Variants in FRMPD2 observed in about 807,000 individuals in gnomAD.
The protein encoded by FRMPD2 is FERM and PDZ domain containing 2, also known as FERM and PDZ domain-containing protein 2.
Under a neutral mutation model 140.1 loss-of-function variants are expected in FRMPD2, and 96 were observed. The observed-to-expected ratio is 0.69, with a 90% CI of 0.58 to 0.81. FRMPD2 has a LOEUF of 0.81. FRMPD2 is among the 40% of genes least tolerant of loss of function. The pLI is 0.00. For synonymous variants in FRMPD2, 449 were observed against 547.6 expected (o/e 0.82, Z 2.52); for missense variants, 1,240 against 1,447.4 (o/e 0.86, Z 2.32).
intron 1 of FRMPD2, among the ~76,000 whole-genome samples, chr10:48,272,293 C>T (rs1392652800): frequency 1.3e-5 from 2 of 152,162 alleles, no homozygotes; most frequent in Admixed American, 1.3e-4. Context: ...CTGTGATATG[C>T]TGAAGAAGGC....
intron 13 of FRMPD2, among the ~76,000 whole-genome samples, chr10:48,207,275 T>C (rs1277710483): frequency 1.3e-5 from 2 of 152,194 alleles, no homozygotes. Flanking sequence ...TTCATACTCT[T>C]CTGGGACATC....
intron 5 of FRMPD2, among the ~76,000 whole-genome samples, chr10:48,241,584 G>T (rs72792244): frequency 0.092 from 14,018 of 152,258 alleles, 788 homozygotes; most frequent in South Asian, 0.12. Context: ...TAAATAACTT[G>T]CACAAGAATC....
chr10:48,208,906 C>T (rs1839260262), intron 13 of FRMPD2, among the ~76,000 whole-genome samples: 1 of 152,210 alleles, frequency 6.6e-6, no homozygotes, highest in Non-Finnish European at 1.5e-5. Flanking sequence ...TTCTTCAAAA[C>T]AAATGGATTG....
At chr10:48,161,276 A>T (rs1247717247) in intron 28 of FRMPD2, among the ~76,000 whole-genome samples, 2 of 150,530 alleles carry the variant, frequency 1.3e-5, no homozygotes, top group African/African-American at 4.9e-5. Flanking sequence ...TAAAAGGAGC[A>T]GTCCCTCCAA....
chr10:48,201,630 G>C (rs940912091), intron 14 of FRMPD2: 1 of 348,362 alleles, frequency 2.9e-6, no homozygotes, highest in African/African-American at 2.1e-5. Flanking sequence ...CAAGGAGTGT[G>C]CTGGGTGAGA....
intron 1 of FRMPD2, among the ~76,000 whole-genome samples, chr10:48,272,354 C>G (rs1195970442): frequency 6.6e-6 from 1 of 152,148 alleles, no homozygotes; most frequent in East Asian, 1.9e-4. Context: ...ATTTTGTAAG[C>G]TGGTCATTAA....
chr10:48,261,517 A>G (rs73296380), intron 1 of FRMPD2, among the ~76,000 whole-genome samples: 22,818 of 152,118 alleles, frequency 0.15, 3,793 homozygotes, highest in African/African-American at 0.41. Flanking sequence ...AAGTGTAAAA[A>G]TAAAAAAACT....
At position 48,240,371 on chromosome 10, in the gene FRMPD2, T is replaced by C. The variant is rs1172528023; in HGVS notation, c.689A>G (p.His230Arg). 2 of 1,612,314 alleles carry C rather than the reference T, an allele frequency of 1.2e-6. No individual in the cohort carries two copies. Among genetic ancestry groups the C allele is most frequent in the Non-Finnish European group, 1.7e-6 (2 of 1,180,032 alleles). The change falls in exon 6 of 29, where the codon CAT becomes CGT. Residue 230 changes from histidine (H) to arginine (R), a missense_variant. Physicochemically the swap from His to Arg is conservative, Grantham distance 29 (BLOSUM62 0). Coordinates refer to ENST00000374201, the MANE Select transcript of FRMPD2 (RefSeq NM_001018071.4). ...GGGCACGTACCCACCTCTGCAAGGA[T>C]GCAGACACTCCGGGGCCTGTGCCGC... ...SPAAQAPECLHPCRVSERSTE... is the reference protein window; with the variant it reads ...SPAAQAPECLRPCRVSERSTE...
Position 48,187,189 on chromosome 10 carries a change from T to A in FRMPD2, c.2266+3A>T. 6.2e-7 allele frequency: 1 copy of A among 1,611,594 alleles called. No homozygotes were observed. Among genetic ancestry groups the A allele is most frequent in the Non-Finnish European group, 8.5e-7 (1 of 1,178,066 alleles). ...CAAGACCTGGTCGTGGCCTGGCCCA[T>A]ACCTGCATGCATGCTCTGAACAGGT... On this transcript the variant is annotated splice_donor_region_variant and intron_variant, in intron 17 of 28. Coordinates refer to ENST00000374201, the MANE Select transcript of FRMPD2 (RefSeq NM_001018071.4).
intron 1 of FRMPD2, among the ~76,000 whole-genome samples, chr10:48,267,036 C>T (rs570542123): frequency 8.5e-5 from 13 of 152,134 alleles, no homozygotes; most frequent in Non-Finnish European, 1.8e-4. Context: ...CCATTTTTAC[C>T]CGGAAGTAAT....
intron 14 of FRMPD2, 44 bp from the exon 15 acceptor site, chr10:48,201,428 A>G (rs1239138237): frequency 4.4e-6 from 7 of 1,582,544 alleles, no homozygotes; most frequent in Non-Finnish European, 6.0e-6. Flanking sequence ...ATCATCCACA[A>G]CCCTCCACTG....
At chr10:48,214,658 G>C (rs1281740994) in intron 12 of FRMPD2, among the ~76,000 whole-genome samples, 1 of 152,098 alleles carries the variant, frequency 6.6e-6, no homozygotes, top group African/African-American at 2.4e-5. Flanking sequence ...GATCCTTCTG[G>C]TAGGAATATA....
rs569163638 is a variant in FRMPD2, at chr10:48,233,327, G to A, written c.994-1038C>T. On this transcript the variant is annotated intron_variant, in intron 9 of 28. Transcript: ENST00000374201. ...CACAGGCATACTCCATGCCACCTTGGTTCCTACACTTGCTGCACACCTGAG... is the reference window on the plus strand; with the variant it reads ...CACAGGCATACTCCATGCCACCTTGATTCCTACACTTGCTGCACACCTGAG... Among the ~76,000 whole-genome samples, 74 of 152,308 alleles carry A rather than the reference G, an allele frequency of 4.9e-4. 1 individual carries two copies. The highest frequency in any genetic ancestry group is 1.4e-3 in the South Asian group (7 of 4,828).
Position 48,242,307 on chromosome 10 carries a change from A to G in FRMPD2, c.421T>C (p.Cys141Arg). Residue 141 changes from cysteine (C) to arginine (R), a missense_variant, in exon 5 of 29, where the codon TGT becomes CGT. Cys to Arg is a radical substitution (Grantham distance 180). This residue lies in a region of FRMPD2 where 1,161 missense variants were observed against 1,055.9 expected (regional missense o/e 1.10). Coordinates refer to ENST00000374201, the MANE Select transcript of FRMPD2 (RefSeq NM_001018071.4). ...CACCGCCTGTGAGGCTGGTCTTCACACATGGTCAGCAGGATGGAGTGCAGG... is the reference window on the plus strand; with the variant it reads ...CACCGCCTGTGAGGCTGGTCTTCACGCATGGTCAGCAGGATGGAGTGCAGG... ...EPLHSILLTMCEDQPHRRCTL... is the reference protein window; with the variant it reads ...EPLHSILLTMREDQPHRRCTL... 6.2e-7 allele frequency: 1 copy of G among 1,614,160 alleles called. No individual in the cohort carries two copies. The highest frequency in any genetic ancestry group is 1.1e-5 in the South Asian group (1 of 91,078).
In FRMPD2 at chr10:48,240,466, G is replaced by C; in HGVS notation, c.594C>G (p.Ser198Arg). ...SEVEKRVVEESSSVQQNRSYL... is the reference protein window; with the variant it reads ...SEVEKRVVEERSSVQQNRSYL... ...AGCTTCTGTTCTGCTGCACAGAGGA[G>C]CTTTCCTCCACAACTCTTTTCTCCA... The change falls in exon 6 of 29, where the codon AGC (serine) becomes AGG (arginine). Residue 198 changes from serine (S) to arginine (R), a missense_variant. By Grantham distance (110) the Ser-to-Arg change is moderately radical. Coordinates refer to ENST00000374201, the MANE Select transcript of FRMPD2 (RefSeq NM_001018071.4). 6.2e-7 allele frequency: 1 copy of C among 1,613,832 alleles called. No individual in the cohort carries two copies. Among genetic ancestry groups the C allele is most frequent in the Non-Finnish European group, 8.5e-7 (1 of 1,180,028 alleles).
intron 10 of FRMPD2, among the ~76,000 whole-genome samples, chr10:48,226,836 A>G (rs1295379387): frequency 2.6e-5 from 4 of 152,234 alleles, no homozygotes; most frequent in Non-Finnish European, 5.9e-5. Flanking sequence ...AACATTTATT[A>G]TGCTTTTCTC....
At chr10:48,195,942 G>A (rs1838939671) in intron 15 of FRMPD2, among the ~76,000 whole-genome samples, 2 of 152,228 alleles carry the variant, frequency 1.3e-5, no homozygotes, top group Non-Finnish European at 2.9e-5. Flanking sequence ...AGAAGACAGA[G>A]GTCTGCACAG....
intron 8 of FRMPD2, among the ~76,000 whole-genome samples, chr10:48,236,880 A>G (rs890151065): frequency 6.6e-6 from 1 of 152,218 alleles, no homozygotes; most frequent in African/African-American, 2.4e-5. Flanking sequence ...TATAATATAA[A>G]TATAAATGCA....
intron 16 of FRMPD2, among the ~76,000 whole-genome samples, chr10:48,191,938 A>C (rs1037995170): frequency 6.6e-6 from 1 of 152,186 alleles, no homozygotes; most frequent in African/African-American, 2.4e-5. Flanking sequence ...TTGTGTTCAA[A>C]TCCTAACCCC....
Sources: allele counts gnomAD v4.1 joint callset (sites outside exome capture counted in the v4.1 genomes callset), GRCh38; gene constraint gnomAD v4.1.1; regional missense constraint gnomAD v4.1.1; transcripts MANE v1.5; gene names NCBI Gene and HGNC (gene_info 2026-07-23, HGNC 2026-07-21).